The following WDFY1 variants were observed in gnomAD, a reference collection of about 807,000 sequenced individuals.
WDFY1 encodes the protein WD repeat and FYVE domain-containing protein 1.
WDFY1 carries 32 observed loss-of-function variants against 56.4 expected under a neutral mutation model. That is an observed-to-expected ratio of 0.57 (90% CI 0.43 to 0.76). WDFY1 has a LOEUF of 0.76. Among genes scored for constraint, WDFY1 ranks in the 30% least tolerant of loss-of-function variants. The pLI is 0.00. For missense variants in WDFY1, 480 were observed against 545.7 expected, an observed-to-expected ratio of 0.88 and a Z score of 1.20; for synonymous variants, 192 against 197.3, an observed-to-expected ratio of 0.97 and a Z score of 0.23.
At chr2:223,907,632 G>A (rs1693619955) in intron 3 of WDFY1, among the ~76,000 whole-genome samples, 1 of 152,188 alleles carries the variant, frequency 6.6e-6, no homozygotes, top group African/African-American at 2.4e-5. Flanking sequence ...ACTATATGAA[G>A]CTTGTACTTA....
chr2:223,941,525 C>T (rs2106106809), intron 1 of WDFY1, among the ~76,000 whole-genome samples: 1 of 152,298 alleles, frequency 6.6e-6, no homozygotes, highest in Non-Finnish European at 1.5e-5. Context: ...AGGCTGTCCC[C>T]AAACCCCGGC....
rs1262267281 is a variant in WDFY1, at chr2:223,878,373, C to T, written c.*298G>A. ...ACTTTTTTGTTTGATTTTTTGTCCC[C>T]GCTAAAACTCATTTGCTAGCTCATT... On this transcript the variant is annotated 3_prime_UTR_variant, in exon 12 of 12. Transcript: ENST00000233055. The T allele has an allele frequency of 1.6e-5, 4 of 257,026 alleles. No homozygotes were observed. The highest frequency in any genetic ancestry group is 1.6e-4 in the East Asian group (2 of 12,488). 15.9% of individuals were successfully genotyped at this position (257,026 alleles called of 1,614,324 possible).
intron 1 of WDFY1, among the ~76,000 whole-genome samples, chr2:223,943,497 T>C (rs2106108167): frequency 1.3e-5 from 2 of 152,292 alleles, no homozygotes; most frequent in Middle Eastern, 3.4e-3. Context: ...AGGGTCAATG[T>C]CACTTCAAAA....
intron 6 of WDFY1, 59 bp from the exon 7 acceptor site, chr2:223,895,689 T>C: frequency 6.3e-7 from 1 of 1,593,274 alleles, no homozygotes; most frequent in South Asian, 1.1e-5. Context: ...AATATAACTC[T>C]ACATCAGGAC....
At chr2:223,891,880 G>A (rs1693284826) in intron 8 of WDFY1, among the ~76,000 whole-genome samples, 1 of 152,162 alleles carries the variant, frequency 6.6e-6, no homozygotes, top group Non-Finnish European at 1.5e-5. Context: ...CAGTTTACTA[G>A]CTTTTCTTGC....
intron 1 of WDFY1, among the ~76,000 whole-genome samples, chr2:223,928,966 T>G (rs1694030337): frequency 6.6e-6 from 1 of 152,074 alleles, no homozygotes. Context: ...TAGAGGTGCC[T>G]GGGTAGCCAG....
chr2:223,921,882 C>G (rs1311284609), intron 1 of WDFY1, among the ~76,000 whole-genome samples: 1 of 152,172 alleles, frequency 6.6e-6, no homozygotes, highest in Non-Finnish European at 1.5e-5. Flanking sequence ...CAGTCTAGGT[C>G]CCATCTTTCA....
intron 1 of WDFY1, among the ~76,000 whole-genome samples, chr2:223,924,734 C>G (rs1693950003): frequency 6.6e-6 from 1 of 152,098 alleles, no homozygotes; most frequent in Non-Finnish European, 1.5e-5. Context: ...AAATAAAATT[C>G]CAAAATTGAT....
At chr2:223,938,251 T>C (rs116410998) in intron 1 of WDFY1, among the ~76,000 whole-genome samples, 62 of 152,306 alleles carry the variant, frequency 4.1e-4, no homozygotes, top group Non-Finnish European at 6.8e-4. Context: ...ACAAACTCTA[T>C]TTCTCAAAAG....
Position 223,945,231 on chromosome 2 carries a change from G to A in WDFY1, c.54C>T (p.Ser18=). 1.9e-6 allele frequency: 3 copies of A among 1,597,066 alleles called. No homozygotes were observed. Among genetic ancestry groups the A allele is most frequent in the Non-Finnish European group, 2.6e-6 (3 of 1,175,020 alleles). ...RPQSSRPVLL[S]KIEGHQDAVT... is the part of the protein sequence containing the mutation. The stretch of plus-strand genomic sequence containing the variant: ...CGGCGTCCTGGTGCCCCTCGATCTT[G>A]CTCAGCAGCACCGGGCGGCTGCTCT... Residue 18 remains serine, a synonymous_variant, in exon 1 of 12, where the codon AGC becomes AGT. Transcript: ENST00000233055.
At chr2:223,893,478 C>G (rs1050882940) in intron 8 of WDFY1, among the ~76,000 whole-genome samples, 2 of 151,232 alleles carry the variant, frequency 1.3e-5, no homozygotes, top group Admixed American at 6.6e-5. Context: ...TGCAGAGAGC[C>G]AAGATCATGC....
intron 8 of WDFY1, among the ~76,000 whole-genome samples, chr2:223,886,474 C>T (rs1335501194): frequency 1.3e-5 from 2 of 152,132 alleles, no homozygotes; most frequent in Non-Finnish European, 2.9e-5. Flanking sequence ...CCTGTAATCC[C>T]AGCACTTTGG....
chr2:223,906,625 T>C (rs1030975938), intron 3 of WDFY1, among the ~76,000 whole-genome samples: 7 of 152,096 alleles, frequency 4.6e-5, no homozygotes, highest in African/African-American at 1.7e-4. Context: ...GTTCAAGTGA[T>C]TCTCCTGCCT....
intron 6 of WDFY1, among the ~76,000 whole-genome samples, chr2:223,896,157 A>AAAAAAAAAAAAAAAAAAAC: frequency 1.9e-5 from 1 of 52,886 alleles, no homozygotes; most frequent in Non-Finnish European, 5.5e-5. Context: ...CTCTGTCTCA[A>AAAAAAAAAAAAAAAAAAAC]AAAAAAAAAA....
chr2:223,930,194 G>A (rs1026900174), intron 1 of WDFY1, among the ~76,000 whole-genome samples: 12 of 152,278 alleles, frequency 7.9e-5, no homozygotes, highest in African/African-American at 2.9e-4. Context: ...TACAGCGTGC[G>A]ATATTGTATG....
intron 9 of WDFY1, among the ~76,000 whole-genome samples, chr2:223,884,295 A>G (rs1405376737): frequency 6.6e-6 from 1 of 152,236 alleles, no homozygotes; most frequent in Non-Finnish European, 1.5e-5. Context: ...CATAAGGTAT[A>G]TAACTGTATG....
chr2:223,885,452 C>A (rs1693157052), intron 8 of WDFY1, among the ~76,000 whole-genome samples: 1 of 152,082 alleles, frequency 6.6e-6, no homozygotes, highest in African/African-American at 2.4e-5. Flanking sequence ...CTGCCTCAGC[C>A]CCACAAAGCA....
intron 3 of WDFY1, among the ~76,000 whole-genome samples, chr2:223,908,652 T>G (rs1372676398): frequency 6.6e-6 from 1 of 152,036 alleles, no homozygotes; most frequent in Non-Finnish European, 1.5e-5. Flanking sequence ...CTGCTCTCTC[T>G]AGTTCACGGC....
At chr2:223,913,476 T>A (rs1693738072) in intron 2 of WDFY1, among the ~76,000 whole-genome samples, 1 of 152,168 alleles carries the variant, frequency 6.6e-6, no homozygotes, top group Admixed American at 6.5e-5. Flanking sequence ...GAATTGACTA[T>A]GAGCCTGTAT....
Sources: allele counts gnomAD v4.1 joint callset (sites outside exome capture counted in the v4.1 genomes callset), GRCh38; gene constraint gnomAD v4.1.1; transcripts MANE v1.5; gene names NCBI Gene and HGNC (gene_info 2026-07-23, HGNC 2026-07-21).